The following REDIC1 variants were observed in gnomAD, a reference collection of about 807,000 sequenced individuals.
REDIC1 encodes the protein HEI10 Interacting Protein 1.
the REDIC1 span, among the ~76,000 whole-genome samples, chr12:39,804,847 G>T: frequency 6.6e-6 from 1 of 152,274 alleles, no homozygotes; most frequent in South Asian, 2.1e-4. Context: ...GAGAAGCAGG[G>T]TAAGTAGGGC....
the REDIC1 span, among the ~76,000 whole-genome samples, chr12:39,813,706 G>A: frequency 6.6e-6 from 1 of 152,124 alleles, no homozygotes; most frequent in Non-Finnish European, 1.5e-5. Flanking sequence ...TGGAGTAGTG[G>A]GGGATGAAGA....
At chr12:39,674,659 C>T in the REDIC1 span, among the ~76,000 whole-genome samples, 41 of 152,246 alleles carry the variant, frequency 2.7e-4, no homozygotes, top group South Asian at 6.2e-4. Context: ...ATTTAACCAT[C>T]CCTAGAGCTG....
the REDIC1 span, among the ~76,000 whole-genome samples, chr12:39,772,936 A>G: frequency 1.3e-5 from 2 of 152,238 alleles, no homozygotes; most frequent in Non-Finnish European, 2.9e-5. Flanking sequence ...TTACATACTC[A>G]GCAATACGTA....
chr12:39,892,907 T>C, the REDIC1 span, among the ~76,000 whole-genome samples: 34 of 152,298 alleles, frequency 2.2e-4, no homozygotes, highest in African/African-American at 7.9e-4. Context: ...AACACTGTCA[T>C]GTTAGCAAAG....
the REDIC1 span, chr12:39,754,207 G>A: frequency 6.6e-6 from 1 of 152,070 alleles, no homozygotes; most frequent in African/African-American, 2.4e-5. Flanking sequence ...AAAATGTTTT[G>A]AACTTAAGTT....
At chr12:39,802,392 A>C in the REDIC1 span, 2 of 152,316 alleles carry the variant, frequency 1.3e-5, no homozygotes, top group Middle Eastern at 3.4e-3. Context: ...GGTATGTCTG[A>C]GAAACAGAAA....
the REDIC1 span, among the ~76,000 whole-genome samples, chr12:39,686,358 C>A: frequency 6.6e-6 from 1 of 152,170 alleles, no homozygotes; most frequent in Non-Finnish European, 1.5e-5. Context: ...TTAACTTTTA[C>A]ACTCTGTGCA....
At chr12:39,714,011 A>G in the REDIC1 span, among the ~76,000 whole-genome samples, 15 of 147,610 alleles carry the variant, frequency 1.0e-4, no homozygotes, top group Admixed American at 2.7e-4. Context: ...CTATGTGCAT[A>G]TACGTTTATA....
At chr12:39,716,779 C>T in the REDIC1 span, 20 of 1,603,008 alleles carry the variant, frequency 1.2e-5, no homozygotes, top group South Asian at 1.0e-4. Flanking sequence ...ACAGAGTAGT[C>T]GGTCTACTAG....
the REDIC1 span, among the ~76,000 whole-genome samples, chr12:39,825,541 C>T: frequency 5.9e-5 from 9 of 152,060 alleles, no homozygotes; most frequent in Non-Finnish European, 1.0e-4. Flanking sequence ...CACAGAGGTT[C>T]GGAATTGGTT....
the REDIC1 span, chr12:39,759,812 A>C: frequency 1.9e-6 from 1 of 521,248 alleles, no homozygotes; most frequent in Non-Finnish European, 3.4e-6. Flanking sequence ...TATTAGATTA[A>C]AATCTCTGTA....
chr12:39,861,707 T>C, the REDIC1 span, among the ~76,000 whole-genome samples: 2 of 152,176 alleles, frequency 1.3e-5, no homozygotes, highest in African/African-American at 4.8e-5. Context: ...CATAAAGATA[T>C]ATGATTCAGA....
chr12:39,739,593 TTTC>T, the REDIC1 span, among the ~76,000 whole-genome samples: 9 of 152,314 alleles, frequency 5.9e-5, no homozygotes, highest in African/African-American at 1.7e-4. Flanking sequence ...CAAGGAAGAC[TTTC>T]TTGAAGTTAT....
the REDIC1 span, among the ~76,000 whole-genome samples, chr12:39,640,087 G>C: frequency 6.7e-6 from 1 of 148,198 alleles, no homozygotes; most frequent in African/African-American, 2.5e-5. Flanking sequence ...AGAAGATGCT[G>C]TTGTCTCAAT....
the REDIC1 span, among the ~76,000 whole-genome samples, chr12:39,732,499 G>A: frequency 6.6e-6 from 1 of 152,138 alleles, no homozygotes; most frequent in Non-Finnish European, 1.5e-5. Flanking sequence ...TAATTCGCTG[G>A]AGGGTTGTAA....
the REDIC1 span, chr12:39,756,546 G>A: frequency 6.6e-6 from 1 of 151,790 alleles, no homozygotes; most frequent in Non-Finnish European, 1.5e-5. Context: ...CAGTATTTAT[G>A]AACTGTATTA....
chr12:39,777,674 A>G, the REDIC1 span, among the ~76,000 whole-genome samples: 1 of 152,148 alleles, frequency 6.6e-6, no homozygotes, highest in Admixed American at 6.5e-5. Flanking sequence ...AGAGAAGCAC[A>G]TCAATGGAGG....
At chr12:39,884,810 C>T in the REDIC1 span, among the ~76,000 whole-genome samples, 1 of 152,054 alleles carries the variant, frequency 6.6e-6, no homozygotes. Context: ...TTTCTCATGT[C>T]CCAAGATTGA....
the REDIC1 span, among the ~76,000 whole-genome samples, chr12:39,846,859 A>T: frequency 2.0e-5 from 3 of 152,158 alleles, no homozygotes; most frequent in African/African-American, 7.2e-5. Context: ...AGCTCTTAGT[A>T]AAGTGATCCA....
Sources: gnomAD v4.1 joint callset for allele counts (sites outside exome capture counted in the v4.1 genomes callset) on GRCh38, gnomAD v4.1.1 for gene constraint, MANE v1.5 for transcripts, NCBI Gene and HGNC (gene_info 2026-07-23, HGNC 2026-07-21) for gene names.